KCNG4: variants seen among roughly 807,000 people sequenced by gnomAD.
KCNG4 encodes the protein potassium voltage-gated channel modifier subfamily G member 4, also known as voltage-gated potassium channel regulatory subunit KCNG4.
KCNG4 carries 30 observed loss-of-function variants against 28.2 expected under a neutral mutation model. That is an observed-to-expected ratio of 1.06 (90% CI 0.80 to 1.44). The LOEUF is 1.44. Among genes scored for constraint, KCNG4 ranks in the 40% most tolerant of loss-of-function variants. The pLI is 0.00. For synonymous variants in KCNG4, 375 were observed against 315.5 expected, an observed-to-expected ratio of 1.19 and a Z score of -2.00; for missense variants, 879 against 712.3, an observed-to-expected ratio of 1.23 and a Z score of -2.66.
At position 84,224,640 on chromosome 16, in the gene KCNG4, A is replaced by G. The variant is rs115902369; in HGVS notation, c.757-1620T>C. Among the ~76,000 whole-genome samples, 1,238 of 152,294 alleles carry G rather than the reference A, an allele frequency of 8.1e-3. 14 individuals are homozygous for G. Among genetic ancestry groups the G allele is most frequent in the African/African-American group, 0.027 (1,132 of 41,546 alleles). On this transcript the variant is annotated intron_variant, in intron 2 of 2. Coordinates refer to ENST00000308251, the MANE Select transcript of KCNG4 (RefSeq NM_172347.3). Reference sequence around the variant, plus strand: ...TGGAGAAAGAGAAAGAGACTGAACCACGACAGTCTCTATTTGCCTGTCCAG... The same window carrying G: ...TGGAGAAAGAGAAAGAGACTGAACCGCGACAGTCTCTATTTGCCTGTCCAG...
At chr16:84,234,821 A>C (rs1904908497) in intron 2 of KCNG4, among the ~76,000 whole-genome samples, 2 of 152,182 alleles carry the variant, frequency 1.3e-5, no homozygotes, top group South Asian at 4.1e-4. Flanking sequence ...GTCCAGGAAG[A>C]GGACATCATC....
intron 2 of KCNG4, among the ~76,000 whole-genome samples, chr16:84,228,163 C>T (rs888465202): frequency 8.5e-5 from 13 of 152,234 alleles, no homozygotes; most frequent in African/African-American, 3.1e-4. Flanking sequence ...GGGGGCCCTG[C>T]AGATGCAATG....
rs749173891 is a variant in KCNG4 at position 84,222,207 on chromosome 16, G to T, written c.*10C>A. 1.2e-4 allele frequency: 190 copies of T among 1,613,230 alleles called. No homozygotes were observed. The highest frequency in any genetic ancestry group is 1.6e-4 in the Non-Finnish European group (184 of 1,179,580). ...GTTGAGGTTACCATGTAGTCATGGG[G>T]GGTGCTGAGTTACATGTGCATGATA... On this transcript the variant is annotated 3_prime_UTR_variant, in exon 3 of 3. Transcript: ENST00000308251.
chr16:84,226,151 G>T lies in KCNG4; in HGVS notation c.757-3131C>A, dbSNP rs1904692295. Among the ~76,000 whole-genome samples, 1 of 152,186 alleles carries T rather than the reference G, an allele frequency of 6.6e-6. No homozygotes were observed. The highest frequency in any genetic ancestry group is 2.4e-5 in the African/African-American group (1 of 41,430). On this transcript the variant is annotated intron_variant, in intron 2 of 2. Coordinates refer to ENST00000308251, the MANE Select transcript of KCNG4 (RefSeq NM_172347.3). The surrounding 1 kb of genome is among the most constrained non-coding windows in gnomAD (Gnocchi z 4.1). ...CCACAGGCAGAGCGAGGTGTGTTCT[G>T]GCTCCTTCCTGCAATGAAGAAGAGC...
chr16:84,219,548 GA>G lies in KCNG4; in HGVS notation c.*2668del, dbSNP rs1430896691. The G allele has an allele frequency of 1.3e-5, 2 of 149,746 alleles. No homozygotes were observed. Among genetic ancestry groups the G allele is most frequent in the African/African-American group, 4.9e-5 (2 of 40,526 alleles). 9.3% of individuals were successfully genotyped at this position (149,746 alleles called of 1,614,324 possible). On this transcript the variant is annotated 3_prime_UTR_variant, in exon 3 of 3. Coordinates refer to ENST00000308251, the MANE Select transcript of KCNG4 (RefSeq NM_172347.3). ...TGGAGACCATCCTGGCTAACATGGT[GA>G]AACCCCGTCTCTCCTAAAAATACAA...
In KCNG4 at chr16:84,220,410, G is replaced by C. The variant is rs1031124919; in HGVS notation, c.*1807C>G. On this transcript the variant is annotated 3_prime_UTR_variant, in exon 3 of 3. Coordinates refer to ENST00000308251, the MANE Select transcript of KCNG4 (RefSeq NM_172347.3). ...GAGGCCAAGGCTCCCTGGACGCTAG[G>C]TGCTGGTGCAGGGTGCTTCCTGGGC... 6.6e-6 allele frequency: 1 copy of C among 152,348 alleles called. No homozygotes were observed. Among genetic ancestry groups the C allele is most frequent in the Non-Finnish European group, 1.5e-5 (1 of 68,140 alleles). The allele number at this position is 152,348 out of a possible 1,614,324, so 9.4% of individuals were successfully genotyped here.
intron 2 of KCNG4, among the ~76,000 whole-genome samples, chr16:84,232,759 C>T (rs951632135): frequency 3.3e-5 from 5 of 151,880 alleles, no homozygotes; most frequent in African/African-American, 1.2e-4. Flanking sequence ...ATTAGCCAGG[C>T]GTGATGATGC....
chr16:84,231,224 G>C (rs907334454), intron 2 of KCNG4, among the ~76,000 whole-genome samples: 6 of 152,210 alleles, frequency 3.9e-5, no homozygotes, highest in Non-Finnish European at 7.3e-5. Flanking sequence ...TTTGCTGGGT[G>C]AGGAAATAGA....
At position 84,236,705 on chromosome 16, in the gene KCNG4, G is replaced by C. The variant is rs368384976; in HGVS notation, c.756+25C>G. ...CCCAGGCACCCTGCGGGATGGAGCC[G>C]TGAATGCCATCAGAGGCCGCTCACC... is the stretch of plus-strand genomic sequence containing the variant. On this transcript the variant is annotated intron_variant, in intron 2 of 2. Coordinates refer to ENST00000308251, the MANE Select transcript of KCNG4 (RefSeq NM_172347.3). 71 of 1,588,072 alleles carry C rather than the reference G, an allele frequency of 4.5e-5. No individual in the cohort carries two copies. The African/African-American group carries it at 7.9e-4, about 18-fold the overall frequency.
chr16:84,233,506 C>T (rs910292299), intron 2 of KCNG4, among the ~76,000 whole-genome samples: 3 of 152,086 alleles, frequency 2.0e-5, no homozygotes, highest in Non-Finnish European at 4.4e-5. Context: ...AGTTTGAGAC[C>T]AGCCTGGGCA....
intron 2 of KCNG4, among the ~76,000 whole-genome samples, chr16:84,225,698 G>T (rs931752052): frequency 6.6e-6 from 1 of 152,266 alleles, no homozygotes; most frequent in African/African-American, 2.4e-5. Flanking sequence ...GGCCGAGAAG[G>T]CGCTGCCAGG....
At position 84,219,462 on chromosome 16, in the gene KCNG4, C is replaced by T. The variant is rs186641180; in HGVS notation, c.*2755G>A. The T allele has an allele frequency of 6.6e-6, 1 of 152,300 alleles. No individual in the cohort carries two copies. The highest frequency in any genetic ancestry group is 1.5e-5 in the Non-Finnish European group (1 of 68,092). The allele number at this position is 152,300 out of a possible 1,614,324, so 9.4% of individuals were successfully genotyped here. ...TGTTAGTCAGGCTTGGGCACGGTGG[C>T]TCACGCCTGTAATCCCAGCACTTTG... On this transcript the variant is annotated 3_prime_UTR_variant, in exon 3 of 3. Transcript: ENST00000308251.
chr16:84,239,186 G>A (rs1408545575), intron 1 of KCNG4, among the ~76,000 whole-genome samples: 1 of 152,014 alleles, frequency 6.6e-6, no homozygotes, highest in Non-Finnish European at 1.5e-5. Context: ...GTGGATAGTG[G>A]AGAGTGAATC....
intron 2 of KCNG4, among the ~76,000 whole-genome samples, chr16:84,232,461 G>C (rs937295051): frequency 5.3e-5 from 8 of 152,148 alleles, no homozygotes; most frequent in African/African-American, 1.9e-4. Context: ...GTTGGGACAG[G>C]GTTTTCTTTT....
At chr16:84,229,114 G>A (rs1168217531) in intron 2 of KCNG4, among the ~76,000 whole-genome samples, 4 of 152,086 alleles carry the variant, frequency 2.6e-5, no homozygotes, top group Admixed American at 2.6e-4. Context: ...AGCCTGGCCA[G>A]TGTGTGGAAA....
intron 2 of KCNG4, among the ~76,000 whole-genome samples, chr16:84,232,821 C>T (rs1390112616): frequency 1.3e-5 from 2 of 148,870 alleles, no homozygotes; most frequent in Admixed American, 6.8e-5. Context: ...ATTGCTTGAA[C>T]CTGTGAGTCA....
rs1252780400 is a variant in KCNG4, at chr16:84,221,763, G to C, written c.*454C>G. On this transcript the variant is annotated 3_prime_UTR_variant, in exon 3 of 3. Transcript: ENST00000308251. ...TTGGGTGGGGAGATCTGATTAGAGG[G>C]GTTTGCAGTGACTGGACCTTTGATT... The C allele has an allele frequency of 5.6e-6, 1 of 177,588 alleles. No homozygotes were observed. The highest frequency in any genetic ancestry group is 1.2e-5 in the Non-Finnish European group (1 of 83,044). 11.0% of individuals were successfully genotyped at this position (177,588 alleles called of 1,614,324 possible).
intron 2 of KCNG4, among the ~76,000 whole-genome samples, chr16:84,228,890 C>T (rs1007248034): frequency 3.9e-5 from 6 of 152,264 alleles, no homozygotes; most frequent in African/African-American, 1.4e-4. Context: ...CCCGCTGCTG[C>T]CCTCCGGTTC....
In KCNG4 at chr16:84,236,857, A is replaced by G; in HGVS notation, c.629T>C (p.Met210Thr). The part of the protein sequence containing the change: ...WGLCMNRLRE[M>T]VENPQSGLPG... Reference sequence around the variant, plus strand: ...CAGCCCGGACTGCGGGTTTTCCACCATCTCGCGCAGCCGGTTCATGCACAG... The same window carrying G: ...CAGCCCGGACTGCGGGTTTTCCACCGTCTCGCGCAGCCGGTTCATGCACAG... The change falls in exon 2 of 3, where the codon ATG (methionine) becomes ACG (threonine). Residue 210 changes from methionine (M) to threonine (T), a missense_variant. Physicochemically the swap from Met to Thr is moderately conservative, Grantham distance 81. Coordinates refer to ENST00000308251, the MANE Select transcript of KCNG4 (RefSeq NM_172347.3). The G allele has an allele frequency of 6.2e-7, 1 of 1,613,588 alleles. No homozygotes were observed. The highest frequency in any genetic ancestry group is 8.5e-7 in the Non-Finnish European group (1 of 1,180,018).
Sources: gnomAD v4.1 joint callset for allele counts (sites outside exome capture counted in the v4.1 genomes callset) on GRCh38, gnomAD v4.1.1 for gene constraint, Gnocchi (gnomAD v3.1) non-coding constraint, MANE v1.5 for transcripts, NCBI Gene and HGNC (gene_info 2026-07-23, HGNC 2026-07-21) for gene names.